The following SCMH1 variants were observed in gnomAD, a reference collection of about 807,000 sequenced individuals.
SCMH1 encodes the protein Scm polycomb group protein homolog 1, also known as polycomb protein SCMH1.
SCMH1 carries 37 observed loss-of-function variants against 70.8 expected under a neutral mutation model. The ratio of observed to expected loss-of-function variants is 0.52; its 90% CI spans 0.40 to 0.69. The LOEUF (loss-of-function observed/expected upper bound fraction) is 0.69. Ranked by LOEUF, SCMH1 falls within the 30% of genes least tolerant of loss-of-function variation. The pLI, the probability that SCMH1 is intolerant of heterozygous loss-of-function variation, is 0.00. For missense variants in SCMH1, 607 were observed against 827.3 expected, an observed-to-expected ratio of 0.73 and a Z score of 3.27; for synonymous variants, 292 against 307.4, an observed-to-expected ratio of 0.95 and a Z score of 0.52.
At chr1:41,097,013 T>C (rs183182968) in intron 8 of SCMH1, among the ~76,000 whole-genome samples, 2 of 152,342 alleles carry the variant, frequency 1.3e-5, no homozygotes, top group East Asian at 1.9e-4. Flanking sequence ...ATGTGCAATA[T>C]GTCTAAGTAT....
intron 4 of SCMH1, chr1:41,152,781 T>C: frequency 6.5e-7 from 1 of 1,543,152 alleles, no homozygotes; most frequent in Non-Finnish European, 8.8e-7. Flanking sequence ...GAAATCTAAA[T>C]CACTCCAAAG....
intron 1 of SCMH1, among the ~76,000 whole-genome samples, chr1:41,198,440 T>C (rs965586129): frequency 1.3e-5 from 2 of 152,222 alleles, no homozygotes; most frequent in Non-Finnish European, 2.9e-5. Context: ...GTCATAGGCT[T>C]ATTTTATATC....
chr1:41,048,949 A>C, intron 10 of SCMH1, 59 bp from the exon 11 acceptor site: 1 of 1,463,072 alleles, frequency 6.8e-7, no homozygotes, highest in Non-Finnish European at 9.3e-7. Context: ...GAAGTCAGAG[A>C]ACAGCATCCT....
At chr1:41,171,702 AC>A (rs1003808317) in intron 2 of SCMH1, among the ~76,000 whole-genome samples, 3 of 152,194 alleles carry the variant, frequency 2.0e-5, no homozygotes, top group Admixed American at 2.0e-4. Context: ...ATCATTTCAG[AC>A]CACAATGGAA....
intron 8 of SCMH1, among the ~76,000 whole-genome samples, chr1:41,082,221 C>T (rs542405126): frequency 7.2e-4 from 108 of 149,380 alleles, no homozygotes; most frequent in African/African-American, 2.4e-3. Flanking sequence ...AATCAAAGGA[C>T]ATTAAGAAAA....
chr1:41,186,047 G>C, intron 2 of SCMH1, 74 bp downstream of exon 2: 1 of 1,496,612 alleles, frequency 6.7e-7, no homozygotes, highest in Non-Finnish European at 9.1e-7. Flanking sequence ...TATTCGTGAG[G>C]AATTCCTTAA....
At chr1:41,219,547 A>T (rs1658788978) in intron 1 of SCMH1, among the ~76,000 whole-genome samples, 1 of 152,224 alleles carries the variant, frequency 6.6e-6, no homozygotes, top group Non-Finnish European at 1.5e-5. Context: ...GTCAGATGTC[A>T]TCAGAATAGT....
At chr1:41,220,735 G>C (rs1225927272) in intron 1 of SCMH1, among the ~76,000 whole-genome samples, 1 of 152,188 alleles carries the variant, frequency 6.6e-6, no homozygotes, top group Non-Finnish European at 1.5e-5. Context: ...TGAAAATAAA[G>C]TTCATATCTT....
At chr1:41,163,483 A>G (rs1202949703) in intron 2 of SCMH1, among the ~76,000 whole-genome samples, 1 of 152,220 alleles carries the variant, frequency 6.6e-6, no homozygotes, top group Non-Finnish European at 1.5e-5. Context: ...CAACACCCCT[A>G]GGATCCCACA....
intron 4 of SCMH1, among the ~76,000 whole-genome samples, chr1:41,155,511 CAAA>C (rs1645445198): frequency 6.6e-6 from 1 of 151,764 alleles, no homozygotes; most frequent in East Asian, 1.9e-4. Context: ...GGAGCAAAAA[CAAA>C]CAAACAAACA....
At chr1:41,128,533 T>C (rs1409547860) in intron 6 of SCMH1, among the ~76,000 whole-genome samples, 1 of 152,152 alleles carries the variant, frequency 6.6e-6, no homozygotes, top group East Asian at 1.9e-4. Flanking sequence ...TGTCATTCTT[T>C]GTTCTTCTAT....
chr1:41,142,052 T>A (rs1270066560), intron 6 of SCMH1, among the ~76,000 whole-genome samples: 1 of 152,234 alleles, frequency 6.6e-6, no homozygotes, highest in Non-Finnish European at 1.5e-5. Context: ...TATATTGACT[T>A]CAACAATGAA....
chr1:41,028,415 G>A (rs910440615), intron 14 of SCMH1, 96 bp from the exon 16 acceptor site: 1 of 1,541,668 alleles, frequency 6.5e-7, no homozygotes, highest in African/African-American at 1.4e-5. Context: ...GCCATCCTGG[G>A]AAGTGCCCGC....
At chr1:41,152,892 A>G (rs755772386) in intron 4 of SCMH1, among the ~76,000 whole-genome samples, 8 of 152,230 alleles carry the variant, frequency 5.3e-5, no homozygotes, top group Non-Finnish European at 7.3e-5. Flanking sequence ...TTGGCCAGAA[A>G]TCACAGTCAG....
intron 5 of SCMH1, among the ~76,000 whole-genome samples, chr1:41,148,433 T>C (rs1322275742): frequency 6.6e-6 from 1 of 152,230 alleles, no homozygotes; most frequent in Admixed American, 6.5e-5. Context: ...GGTGTGAGTC[T>C]GTGAGTAATG....
At chr1:41,205,013 T>C (rs750242533) in intron 1 of SCMH1, among the ~76,000 whole-genome samples, 37 of 152,300 alleles carry the variant, frequency 2.4e-4, no homozygotes, top group African/African-American at 8.4e-4. Context: ...AACCCACAAA[T>C]TGATTTCTGA....
Position 41,055,109 on chromosome 1 carries a change from A to G in SCMH1, c.1106-6219T>C, listed in dbSNP as rs1365548131. Reference sequence around the variant, plus strand: ...AAAAACCTCTCACGTTTCTAAGAGAATCATTCTGGCAGAAGCATTGACAGC... The same window carrying G: ...AAAAACCTCTCACGTTTCTAAGAGAGTCATTCTGGCAGAAGCATTGACAGC... On this transcript the variant is annotated intron_variant, in intron 10 of 14. Transcript: ENST00000337495. Among the ~76,000 whole-genome samples the G allele has an allele frequency of 2.0e-5, 3 of 152,262 alleles. No homozygotes were observed. The East Asian group carries it at 5.8e-4, about 30-fold the overall frequency.
At chr1:41,117,570 G>C (rs980966823) in intron 6 of SCMH1, among the ~76,000 whole-genome samples, 4 of 152,056 alleles carry the variant, frequency 2.6e-5, no homozygotes, top group African/African-American at 9.7e-5. Context: ...ACGTCAGTCA[G>C]GCCCGCCTGC....
intron 4 of SCMH1, among the ~76,000 whole-genome samples, chr1:41,153,895 T>C (rs773600970): frequency 1.3e-4 from 20 of 152,236 alleles, no homozygotes; most frequent in African/African-American, 4.1e-4. Context: ...ACAAAAGAAA[T>C]AGGACAGGCA....
Sources: allele counts gnomAD v4.1 joint callset (sites outside exome capture counted in the v4.1 genomes callset), GRCh38; gene constraint gnomAD v4.1.1; transcripts MANE v1.5; gene names NCBI Gene and HGNC (gene_info 2026-07-23, HGNC 2026-07-21).